The following CRHBP variants were observed in gnomAD, a reference collection of about 807,000 sequenced individuals.
CRHBP encodes corticotropin-releasing hormone-binding protein.
CRHBP carries 19 observed loss-of-function variants against 34.9 expected under a neutral mutation model. That is an observed-to-expected ratio of 0.55 (90% CI 0.38 to 0.80). The LOEUF is 0.80. CRHBP is among the 30% of genes least tolerant of loss of function. The probability of loss-of-function intolerance (pLI) is 0.00; values close to 1 mark genes in which losing one functional copy is unlikely to be tolerated. For synonymous variants in CRHBP, 154 were observed against 153.4 expected (o/e 1.00, Z -0.03); for missense variants, 328 against 409.2 (o/e 0.80, Z 1.71).
At chr5:76,960,852 C>T (rs1479292536) in intron 5 of CRHBP, among the ~76,000 whole-genome samples, 2 of 151,888 alleles carry the variant, frequency 1.3e-5, no homozygotes, top group East Asian at 3.9e-4. Flanking sequence ...GCAACCTCTG[C>T]CTCCGAGGTT....
intron 5 of CRHBP, among the ~76,000 whole-genome samples, chr5:76,960,600 A>G (rs1050752258): frequency 1.3e-5 from 2 of 152,188 alleles, no homozygotes; most frequent in African/African-American, 4.8e-5. Context: ...TATTATTAAC[A>G]TATCTATCAA....
At chr5:76,967,821 C>T (rs1302286031) in intron 6 of CRHBP, among the ~76,000 whole-genome samples, 1 of 151,868 alleles carries the variant, frequency 6.6e-6, no homozygotes. Flanking sequence ...GCCTCAGCCT[C>T]CCGAGTAGCT....
intron 3 of CRHBP, 97 bp from the exon 4 acceptor site, chr5:76,955,556 G>T (rs932238528): frequency 2.0e-6 from 2 of 1,004,586 alleles, no homozygotes; most frequent in African/African-American, 3.2e-5. Context: ...TATGACTGAA[G>T]GCCCATTGCT....
chr5:76,975,825 A>AAAATAT, intron 2 of CRHBP, among the ~76,000 whole-genome samples: 3 of 61,856 alleles, frequency 4.8e-5, no homozygotes, highest in Admixed American at 1.8e-4. Flanking sequence ...AAAAAAAAAA[A>AAAATAT]ATATATATAT....
intron 1 of CRHBP, 56 bp from the exon 2 acceptor site, chr5:76,953,545 C>T: frequency 6.5e-7 from 1 of 1,530,166 alleles, no homozygotes; most frequent in Non-Finnish European, 8.9e-7. Context: ...GCTCCTGGTC[C>T]CCTTTTTTAT....
At chr5:76,976,548 C>T (rs186681798) in intron 3 of CRHBP, 1 of 152,308 alleles carries the variant, frequency 6.6e-6, no homozygotes, top group Admixed American at 6.5e-5. Flanking sequence ...CACTAACCAG[C>T]TGTATGTCCT....
intron 5 of CRHBP, among the ~76,000 whole-genome samples, chr5:76,962,467 A>G (rs1386224044): frequency 1.3e-5 from 2 of 151,908 alleles, no homozygotes; most frequent in African/African-American, 4.8e-5. Context: ...GGGGATTGCT[A>G]TGGACAAGAC....
intron 3 of CRHBP, among the ~76,000 whole-genome samples, chr5:76,980,242 G>C (rs918877957): frequency 1.5e-5 from 2 of 131,992 alleles, no homozygotes; most frequent in African/African-American, 3.0e-5. Context: ...GCGACAGAGC[G>C]AGACTCCGTC....
intron 6 of CRHBP, among the ~76,000 whole-genome samples, chr5:76,964,302 A>C (rs1409552972): frequency 6.6e-6 from 1 of 151,800 alleles, no homozygotes; most frequent in Non-Finnish European, 1.5e-5. Flanking sequence ...AGCAGTCTCT[A>C]ATCTCAGTTA....
At chr5:76,955,297 A>G (rs1030163128) in intron 3 of CRHBP, among the ~76,000 whole-genome samples, 1 of 152,208 alleles carries the variant, frequency 6.6e-6, no homozygotes, top group Non-Finnish European at 1.5e-5. Flanking sequence ...CACGAAACCT[A>G]AATTATGCTT....
chr5:76,955,105 G>A (rs1225295065), intron 3 of CRHBP, among the ~76,000 whole-genome samples: 1 of 152,152 alleles, frequency 6.6e-6, no homozygotes, highest in Admixed American at 6.5e-5. Flanking sequence ...AGCCATCATT[G>A]CCTGGCTGTT....
At chr5:76,979,026 A>AACCACTGCCCTTATCAGTC (rs1746079990) in intron 3 of CRHBP, among the ~76,000 whole-genome samples, 1 of 152,214 alleles carries the variant, frequency 6.6e-6, no homozygotes. Flanking sequence ...AGCTTTCAGT[A>AACCACTGCCCTTATCAGTC]ACCACTGCCC....
chr5:76,967,281 C>T (rs536032947), intron 6 of CRHBP, among the ~76,000 whole-genome samples: 2 of 152,168 alleles, frequency 1.3e-5, no homozygotes, highest in Admixed American at 1.3e-4. Context: ...GAAATTTGGA[C>T]CTCCTGGTAG....
At chr5:76,975,813 AAAAAAAAAAAAAAT>A in intron 2 of CRHBP, among the ~76,000 whole-genome samples, 1 of 90,308 alleles carries the variant, frequency 1.1e-5, no homozygotes, top group African/African-American at 5.9e-5. Context: ...CAAAAAAAAA[AAAAAAAAAAAAAAT>A]ATATATATAT....
chr5:76,968,204 G>GTTT (rs34392609), intron 6 of CRHBP, among the ~76,000 whole-genome samples: 2 of 132,428 alleles, frequency 1.5e-5, no homozygotes, highest in South Asian at 4.8e-4. Context: ...GTTTTTTTTT[G>GTTT]TTTTTTTTTT....
chr5:76,973,295 C>T (rs551324641), downstream of CRHBP, among the ~76,000 whole-genome samples: 1 of 152,272 alleles, frequency 6.6e-6, no homozygotes, highest in East Asian at 1.9e-4. Flanking sequence ...CATCTTTGAT[C>T]TTATGAAAAC....
chr5:76,959,896 T>C lies in CRHBP; in HGVS notation c.693+1007T>C, dbSNP rs759535914. Among the ~76,000 whole-genome samples, 7 of 152,328 alleles carry C rather than the reference T, an allele frequency of 4.6e-5. No individual in the cohort carries two copies. In the Middle Eastern group the frequency reaches 0.01, roughly 222 times the overall value. ...GACTGGGAGATCTGCACTTTAGTTATTGGGGCTATGGGGGTAATCTTGGTG... is the reference window on the plus strand; with the variant it reads ...GACTGGGAGATCTGCACTTTAGTTACTGGGGCTATGGGGGTAATCTTGGTG... On this transcript the variant is annotated intron_variant, in intron 5 of 6. Coordinates refer to ENST00000274368, the MANE Select transcript of CRHBP (RefSeq NM_001882.4).
chr5:76,956,858 A>C (rs543660584), intron 4 of CRHBP, among the ~76,000 whole-genome samples: 2 of 152,256 alleles, frequency 1.3e-5, no homozygotes, highest in Non-Finnish European at 2.9e-5. Flanking sequence ...GTAACACTTC[A>C]TGCGGCTGAA....
intron 6 of CRHBP, 132 bp from the exon 7 acceptor site, chr5:76,968,596 T>C (rs1212198189): frequency 2.7e-6 from 2 of 734,874 alleles, no homozygotes; most frequent in Non-Finnish European, 2.1e-6. Flanking sequence ...TGATAGTAGA[T>C]GCATGGTTTG....
Sources: gnomAD v4.1 joint callset for allele counts (sites outside exome capture counted in the v4.1 genomes callset) on GRCh38, gnomAD v4.1.1 for gene constraint, MANE v1.5 for transcripts, NCBI Gene and HGNC (gene_info 2026-07-23, HGNC 2026-07-21) for gene names.